The following IPO11 variants were observed in gnomAD, a reference collection of about 807,000 sequenced individuals.
The protein encoded by IPO11 is importin-11.
In IPO11, 66 loss-of-function variants were observed where a neutral mutation model predicts 143.2. The observed-to-expected ratio is 0.46, with a 90% CI of 0.38 to 0.57. The LOEUF is 0.57. Among genes scored for constraint, IPO11 ranks in the 20% least tolerant of loss-of-function variants. IPO11 has a pLI of 0.00. For missense variants in IPO11, 1,026 were observed against 1,141.0 expected (o/e 0.90, Z 1.45); for synonymous variants, 385 against 377.8 (o/e 1.02, Z -0.22).
chr5:62,469,508 A>G (rs1051102768), intron 6 of IPO11, among the ~76,000 whole-genome samples: 3 of 152,158 alleles, frequency 2.0e-5, no homozygotes, highest in African/African-American at 7.2e-5. Context: ...TATTTAATGA[A>G]CTTTTAATTT....
chr5:62,569,322 A>G (rs1314343606), intron 27 of IPO11, among the ~76,000 whole-genome samples: 1 of 152,176 alleles, frequency 6.6e-6, no homozygotes, highest in East Asian at 1.9e-4. Flanking sequence ...TTCTTGTTCT[A>G]TGCTAAAACC....
At chr5:62,473,247 G>T (rs180847815) in intron 7 of IPO11, among the ~76,000 whole-genome samples, 1 of 151,926 alleles carries the variant, frequency 6.6e-6, no homozygotes, top group Non-Finnish European at 1.5e-5. Context: ...ATTTCATCAC[G>T]TTTCCAGAAG....
At chr5:62,528,482 G>T (rs1475332471) in intron 21 of IPO11, among the ~76,000 whole-genome samples, 1 of 152,184 alleles carries the variant, frequency 6.6e-6, no homozygotes, top group African/African-American at 2.4e-5. Context: ...GGTAGTGTGG[G>T]AAATGTGAAG....
intron 3 of IPO11, among the ~76,000 whole-genome samples, chr5:62,443,968 CT>C (rs1323746293): frequency 6.6e-6 from 1 of 152,054 alleles, no homozygotes; most frequent in African/African-American, 2.4e-5. Flanking sequence ...GCCGTAAGAC[CT>C]TTTTTCTCAG....
chr5:62,504,770 G>T, intron 17 of IPO11, 70 bp downstream of exon 17: 1 of 1,339,776 alleles, frequency 7.5e-7, no homozygotes, highest in Non-Finnish European at 1.0e-6. Flanking sequence ...TATTTATTTT[G>T]TGAAATTAAT....
At chr5:62,596,396 A>C (rs1464719506) in intron 28 of IPO11, among the ~76,000 whole-genome samples, 2 of 152,160 alleles carry the variant, frequency 1.3e-5, no homozygotes, top group African/African-American at 2.4e-5. Flanking sequence ...TAAAGGAAAT[A>C]GTCTTATTTG....
rs542109484 is a variant in IPO11 at position 62,437,405 on chromosome 5, T to C, written c.126T>C (p.Tyr42=). The change falls in exon 2 of 30, where the codon TAT becomes TAC. Residue 42 remains tyrosine, a synonymous_variant. Transcript: ENST00000325324. ...AGTGGGAGACACAGCCAGGTTTCTA[T>C]TCAGTGTTGCTGGTAAGTTGTTCTA... ...LKQWETQPGF[Y]SVLLNIFTNH... 15 of 1,606,912 alleles carry C rather than the reference T, an allele frequency of 9.3e-6. No homozygotes were observed. The African/African-American group carries it at 2.0e-4, about 21-fold the overall frequency.
chr5:62,616,920 A>C (rs531731792), intron 29 of IPO11, among the ~76,000 whole-genome samples: 1 of 152,124 alleles, frequency 6.6e-6, no homozygotes. Flanking sequence ...GATGAAATCA[A>C]ATTTTTGAAA....
chr5:62,479,670 G>A (rs1746109780), intron 9 of IPO11, among the ~76,000 whole-genome samples: 1 of 152,276 alleles, frequency 6.6e-6, no homozygotes. Flanking sequence ...GTTTTGATTT[G>A]CATCTCTCTG....
intron 29 of IPO11, among the ~76,000 whole-genome samples, chr5:62,608,566 T>C (rs966154372): frequency 3.9e-5 from 6 of 152,214 alleles, no homozygotes; most frequent in South Asian, 2.1e-4. Context: ...CCACACGTTA[T>C]ATGGTTTCTG....
intron 19 of IPO11, among the ~76,000 whole-genome samples, chr5:62,514,263 C>G (rs928246895): frequency 3.9e-5 from 6 of 152,080 alleles, no homozygotes; most frequent in Non-Finnish European, 5.9e-5. Flanking sequence ...GAGGCCATAG[C>G]GAGCCGAGAT....
chr5:62,599,697 AT>A (rs1745428517), intron 28 of IPO11, among the ~76,000 whole-genome samples: 1 of 152,172 alleles, frequency 6.6e-6, no homozygotes, highest in African/African-American at 2.4e-5. Context: ...TGAGTTTAGA[AT>A]GGAGGAGTGG....
At chr5:62,441,482 C>T (rs1293078418) in intron 2 of IPO11, among the ~76,000 whole-genome samples, 2 of 129,754 alleles carry the variant, frequency 1.5e-5, no homozygotes, top group East Asian at 4.6e-4. Flanking sequence ...CAGGCATGAG[C>T]CACTGTGCCT....
intron 21 of IPO11, among the ~76,000 whole-genome samples, chr5:62,527,641 G>A (rs894938766): frequency 3.3e-5 from 5 of 152,044 alleles, no homozygotes; most frequent in South Asian, 2.1e-4. Flanking sequence ...GTTATTAAAA[G>A]TGTAGATATT....
intron 29 of IPO11, among the ~76,000 whole-genome samples, chr5:62,623,213 T>C (rs1746435999): frequency 6.6e-6 from 1 of 152,226 alleles, no homozygotes; most frequent in African/African-American, 2.4e-5. Context: ...CATGGTTAAA[T>C]ACATTGTTGT....
At chr5:62,476,871 A>T in intron 9 of IPO11, 118 bp downstream of exon 9, 1 of 1,121,450 alleles carries the variant, frequency 8.9e-7, no homozygotes, top group Non-Finnish European at 1.2e-6. Flanking sequence ...CTATGTTCTG[A>T]CTCCTTATAG....
At chr5:62,492,176 A>G (rs985565014) in intron 15 of IPO11, among the ~76,000 whole-genome samples, 1 of 152,136 alleles carries the variant, frequency 6.6e-6, no homozygotes, top group Non-Finnish European at 1.5e-5. Flanking sequence ...TTCTGTTTGG[A>G]TGTGTCTATG....
intron 19 of IPO11, among the ~76,000 whole-genome samples, chr5:62,506,624 C>T (rs961468366): frequency 7.2e-5 from 11 of 152,002 alleles, no homozygotes; most frequent in South Asian, 2.1e-4. Context: ...AAGATCCAGC[C>T]GATGTAAAAT....
At chr5:62,523,503 G>C (rs1056366015) in intron 20 of IPO11, among the ~76,000 whole-genome samples, 4 of 149,464 alleles carry the variant, frequency 2.7e-5, no homozygotes, top group Non-Finnish European at 5.9e-5. Context: ...GTAAAACTAA[G>C]GTCAAATAGA....
Sources: gnomAD v4.1 joint callset for allele counts (sites outside exome capture counted in the v4.1 genomes callset) on GRCh38, gnomAD v4.1.1 for gene constraint, MANE v1.5 for transcripts, NCBI Gene and HGNC (gene_info 2026-07-23, HGNC 2026-07-21) for gene names.